The following RPH3AL variants were observed in gnomAD, a reference collection of about 807,000 sequenced individuals.
RPH3AL encodes rab effector Noc2.
RPH3AL carries 38 observed loss-of-function variants against 43.1 expected under a neutral mutation model. The ratio of observed to expected loss-of-function variants is 0.88; its 90% CI spans 0.68 to 1.15. The LOEUF is 1.15. RPH3AL is among the 50% of genes most tolerant of loss of function. The probability of loss-of-function intolerance (pLI) is 0.00; values close to 1 mark genes in which losing one functional copy is unlikely to be tolerated. For missense variants in RPH3AL, 462 were observed against 423.2 expected, an observed-to-expected ratio of 1.09 and a Z score of -0.81; for synonymous variants, 189 against 176.3, an observed-to-expected ratio of 1.07 and a Z score of -0.57.
rs1158040043 is a variant in RPH3AL at position 219,492 on chromosome 17, C to A, written c.727+131G>T. ...GATTACAGACATAAGCCACTGTGCC[C>A]GGCCTAATAGTTTCATTTCTTTTCT... On this transcript the variant is annotated intron_variant, in intron 8 of 9. Coordinates refer to ENST00000331302, the MANE Select transcript of RPH3AL (RefSeq NM_006987.4). 9 of 565,050 alleles carry A rather than the reference C, an allele frequency of 1.6e-5. No individual in the cohort carries two copies. The South Asian group carries it at 1.9e-4, about 12-fold the overall frequency. 35.0% of individuals were successfully genotyped at this position (565,050 alleles called of 1,614,324 possible).
At chr17:298,831 C>T (rs1256511416) in intron 5 of RPH3AL, among the ~76,000 whole-genome samples, 4 of 152,152 alleles carry the variant, frequency 2.6e-5, no homozygotes, top group South Asian at 2.1e-4. Flanking sequence ...AGCACACTAG[C>T]GATCCCTTAG....
chr17:233,937 A>G (rs1464766213), intron 7 of RPH3AL, among the ~76,000 whole-genome samples: 13 of 82,252 alleles, frequency 1.6e-4, no homozygotes, highest in Non-Finnish European at 2.6e-4. Context: ...TTCCCTGAGC[A>G]GGGAGCGGCT....
At position 333,514 on chromosome 17, in the gene RPH3AL, C is replaced by A; in HGVS notation, c.-37+245G>T. 1 of 337,358 alleles carries A rather than the reference C, an allele frequency of 3.0e-6. No homozygotes were observed. The highest frequency in any genetic ancestry group is 5.9e-6 in the Non-Finnish European group (1 of 170,104). 20.9% of individuals were successfully genotyped at this position (337,358 alleles called of 1,614,324 possible). ...TATGCTGCTTGCTGGTTTTTTAAAC[C>A]ACCTTGTGCTTTCCCACAGTATTAA... On this transcript the variant is annotated intron_variant, in intron 2 of 9. Transcript: ENST00000331302. The surrounding 1 kb of genome is among the most constrained non-coding windows in gnomAD (Gnocchi z 4.5).
At chr17:277,866 G>T (rs2042691004) in intron 6 of RPH3AL, among the ~76,000 whole-genome samples, 1 of 152,012 alleles carries the variant, frequency 6.6e-6, no homozygotes, top group South Asian at 2.1e-4. Context: ...GAGGGGGGAG[G>T]GTTGTTTGAG....
At chr17:316,477 G>GT (rs1188296304) in intron 5 of RPH3AL, among the ~76,000 whole-genome samples, 1 of 139,508 alleles carries the variant, frequency 7.2e-6, no homozygotes, top group Middle Eastern at 4.7e-3. Context: ...TAGTCTCTGT[G>GT]CCCCACCTCC....
In RPH3AL at chr17:283,364, G is replaced by A. The variant is rs938507191; in HGVS notation, c.352-1510C>T. On this transcript the variant is annotated intron_variant, in intron 5 of 9. Coordinates refer to ENST00000331302, the MANE Select transcript of RPH3AL (RefSeq NM_006987.4). This position sits in a 1 kb window ranked among gnomAD's most constrained non-coding sequence, Gnocchi z 4.2. ...CCCTGGGGTGGGGGAGCAAACTCAC[G>A]GGGGACGGAAGCTATGATACATTCC... Among the ~76,000 whole-genome samples, 2 of 152,160 alleles carry A rather than the reference G, an allele frequency of 1.3e-5. No individual in the cohort carries two copies. Among genetic ancestry groups the A allele is most frequent in the African/African-American group, 4.8e-5 (2 of 41,432 alleles).
chr17:297,465 G>A (rs1440620737), intron 5 of RPH3AL, among the ~76,000 whole-genome samples: 1 of 152,182 alleles, frequency 6.6e-6, no homozygotes, highest in Non-Finnish European at 1.5e-5. Context: ...CTGGGACCGA[G>A]CCCTCGTCCT....
rs200960865 is a variant in RPH3AL at position 219,782 on chromosome 17, T to C, written c.614-46A>G. On this transcript the variant is annotated intron_variant, in intron 7 of 9. Coordinates refer to ENST00000331302, the MANE Select transcript of RPH3AL (RefSeq NM_006987.4). ...CACAGGAGGTCACCCGACCAGCCCC[T>C]ACCTGCAGGCATGGACGGAGGGACG... 4.0e-4 allele frequency: 573 copies of C among 1,427,150 alleles called. 2 individuals are homozygous for C. The African/African-American group carries it at 7.2e-3, about 18-fold the overall frequency. 88.4% of individuals were successfully genotyped at this position (1,427,150 alleles called of 1,614,324 possible).
At chr17:297,935 C>T (rs762512488) in intron 5 of RPH3AL, among the ~76,000 whole-genome samples, 2 of 152,174 alleles carry the variant, frequency 1.3e-5, no homozygotes, top group Admixed American at 6.5e-5. Context: ...AAATGACACA[C>T]GGACGAACAT....
chr17:273,721 A>G (rs970194192), intron 6 of RPH3AL, among the ~76,000 whole-genome samples: 1 of 152,260 alleles, frequency 6.6e-6, no homozygotes, highest in South Asian at 2.1e-4. Flanking sequence ...TCAATCCACA[A>G]ACTTTTCCCG....
intron 1 of RPH3AL, among the ~76,000 whole-genome samples, chr17:342,070 C>T (rs2045133731): frequency 6.6e-6 from 1 of 152,024 alleles, no homozygotes; most frequent in Non-Finnish European, 1.5e-5. Flanking sequence ...GACATTTCCC[C>T]AAAGAAGATA....
At chr17:294,398 G>GC (rs1234440548) in intron 5 of RPH3AL, among the ~76,000 whole-genome samples, 4 of 152,334 alleles carry the variant, frequency 2.6e-5, no homozygotes, top group Non-Finnish European at 4.4e-5. Flanking sequence ...AGGCTGCAGT[G>GC]AGTTGTGATT....
In RPH3AL at chr17:328,584, T is replaced by G. The variant is rs555571014; in HGVS notation, c.-36-1005A>C. 8.5e-5 allele frequency among the ~76,000 whole-genome samples: 13 copies of G among 152,274 alleles called. 1 individual carries two copies. The South Asian group carries it at 2.7e-3, about 32-fold the overall frequency. ...CCAAGAGTACCCAAAACATACGTCC[T>G]CACCAAAACCTGTACACAAACGTTC... is the stretch of plus-strand genomic sequence containing the variant. On this transcript the variant is annotated intron_variant, in intron 2 of 9. Coordinates refer to ENST00000331302, the MANE Select transcript of RPH3AL (RefSeq NM_006987.4). This position sits in a 1 kb window ranked among gnomAD's most constrained non-coding sequence, Gnocchi z 4.2.
chr17:297,534 G>C (rs2043213866), intron 5 of RPH3AL, among the ~76,000 whole-genome samples: 1 of 152,212 alleles, frequency 6.6e-6, no homozygotes, highest in Admixed American at 6.5e-5. Context: ...GCCCACTGGA[G>C]AATGTGCTGC....
Position 247,095 on chromosome 17 carries a change from G to A in RPH3AL, c.613+16C>T, listed in dbSNP as rs1555540294. On this transcript the variant is annotated intron_variant, in intron 7 of 9. Coordinates refer to ENST00000331302, the MANE Select transcript of RPH3AL (RefSeq NM_006987.4). ...ACTTTACAGGCCATCCTGGGAGAGA[G>A]GCAGAGGGGACTTACCTCTTCCTCG... 6.2e-7 allele frequency: 1 copy of A among 1,614,074 alleles called. No homozygotes were observed. Among genetic ancestry groups the A allele is most frequent in the Admixed American group, 1.7e-5 (1 of 60,014 alleles).
chr17:316,119 C>T (rs1196271038), intron 5 of RPH3AL, among the ~76,000 whole-genome samples: 2 of 150,044 alleles, frequency 1.3e-5, no homozygotes, highest in South Asian at 2.1e-4. Flanking sequence ...TCTGCACCCA[C>T]CTCCATTGAC....
rs1025206666 is a variant in RPH3AL, at chr17:212,716, C to T, written c.*1136G>A. On this transcript the variant is annotated 3_prime_UTR_variant, in exon 10 of 10. Coordinates refer to ENST00000331302, the MANE Select transcript of RPH3AL (RefSeq NM_006987.4). ...GATCACCGACACACACACACACGTT[C>T]TCTCTCTTCAGGGAAGGGTTTTCCA... The T allele has an allele frequency of 2.4e-4, 36 of 151,246 alleles. 1 individual carries two copies. The highest frequency in any genetic ancestry group is 8.3e-4 in the African/African-American group (34 of 41,032). 9.4% of individuals were successfully genotyped at this position (151,246 alleles called of 1,614,324 possible).
At chr17:305,011 AGAGGGGGACAGGGC>A (rs2043441355) in intron 5 of RPH3AL, among the ~76,000 whole-genome samples, 1 of 3,472 alleles carries the variant, frequency 2.9e-4, no homozygotes, top group African/African-American at 6.0e-4. Flanking sequence ...GGACAGGGCG[AGAGGGGGACAGGGC>A]GGGAGGGGGA....
At chr17:218,623 G>A (rs529196727) in intron 8 of RPH3AL, among the ~76,000 whole-genome samples, 22 of 152,192 alleles carry the variant, frequency 1.4e-4, no homozygotes, top group Non-Finnish European at 2.9e-4. Flanking sequence ...CCTTTTCCCA[G>A]AAGTCCTTTG....
Sources: allele counts gnomAD v4.1 joint callset (sites outside exome capture counted in the v4.1 genomes callset), GRCh38; gene constraint gnomAD v4.1.1; non-coding constraint Gnocchi (gnomAD v3.1); transcripts MANE v1.5; gene names NCBI Gene and HGNC (gene_info 2026-07-23, HGNC 2026-07-21).